The following RFX3 variants were observed in gnomAD, a reference collection of about 807,000 sequenced individuals.
RFX3 encodes the protein transcription factor RFX3.
In RFX3, 14 loss-of-function variants were observed where a neutral mutation model predicts 98.6. The ratio of observed to expected loss-of-function variants is 0.14; its 90% CI spans 0.09 to 0.22. RFX3 has a LOEUF of 0.22. Among genes scored for constraint, RFX3 ranks in the 10% least tolerant of loss-of-function variants. The pLI is 1.00. For synonymous variants in RFX3, 383 were observed against 328.4 expected (o/e 1.17, Z -1.80); for missense variants, 639 against 926.9 (o/e 0.69, Z 4.03).
chr9:3,394,888 A>C (rs2131921056), intron 2 of RFX3: 1 of 962,864 alleles, frequency 1.0e-6, no homozygotes, highest in South Asian at 4.8e-5. Context: ...CCTGCGTATG[A>C]ATAAGACCTG....
chr9:3,319,396 TTAAGGGAATATAAATAGGTAGG>T (rs1433389323), intron 4 of RFX3, among the ~76,000 whole-genome samples: 1 of 152,090 alleles, frequency 6.6e-6, no homozygotes, highest in Non-Finnish European at 1.5e-5. Context: ...CAATGACTAC[TTAAGGGAATATAAATAGGTAGG>T]TAACGGACAT....
chr9:3,467,267 C>T (rs10972156), intron 1 of RFX3, among the ~76,000 whole-genome samples: 26,649 of 142,208 alleles, frequency 0.19, 4,038 homozygotes, highest in African/African-American at 0.43. Flanking sequence ...TATATATGTA[C>T]ATACATACAT....
At chr9:3,415,192 CATAT>C (rs560950256) in intron 1 of RFX3, among the ~76,000 whole-genome samples, 1 of 129,984 alleles carries the variant, frequency 7.7e-6, no homozygotes, top group Non-Finnish European at 1.6e-5. Flanking sequence ...TACACATACT[CATAT>C]ATATATATAT....
At chr9:3,371,415 T>C (rs1331994655) in intron 2 of RFX3, among the ~76,000 whole-genome samples, 1 of 152,216 alleles carries the variant, frequency 6.6e-6, no homozygotes, top group East Asian at 1.9e-4. Context: ...TACGCAGCTC[T>C]AAAATATATT....
intron 15 of RFX3, among the ~76,000 whole-genome samples, chr9:3,240,619 G>C (rs978801129): frequency 1.3e-5 from 2 of 152,176 alleles, no homozygotes; most frequent in South Asian, 4.1e-4. Context: ...TATTCTTGCA[G>C]AGAATCTCTA....
intron 2 of RFX3, among the ~76,000 whole-genome samples, chr9:3,353,513 A>G (rs2131279781): frequency 6.6e-6 from 1 of 152,094 alleles, no homozygotes; most frequent in East Asian, 1.9e-4. Flanking sequence ...ATGGTTTAAG[A>G]TGTGATTACC....
chr9:3,472,131 T>A (rs1459850908), intron 1 of RFX3, among the ~76,000 whole-genome samples: 1 of 152,228 alleles, frequency 6.6e-6, no homozygotes, highest in Non-Finnish European at 1.5e-5. Context: ...GCACTGTATT[T>A]GTTTAGAAAG....
intron 1 of RFX3, among the ~76,000 whole-genome samples, chr9:3,503,594 C>G (rs1013851089): frequency 1.3e-5 from 2 of 151,978 alleles, no homozygotes; most frequent in African/African-American, 4.8e-5. Flanking sequence ...AAACCCCATT[C>G]TAAAAATATC....
In RFX3 at chr9:3,330,527, A is replaced by G. The variant is rs1832468696; in HGVS notation, c.216-10T>C. ...ATACGTTGTTGTTCGGCTTTAGAAGAAGAAGAAAAAAGAAATTTACTAGCT... is the reference window on the plus strand; with the variant it reads ...ATACGTTGTTGTTCGGCTTTAGAAGGAGAAGAAAAAAGAAATTTACTAGCT... On this transcript the variant is annotated splice_polypyrimidine_tract_variant and intron_variant, in intron 3 of 16. Coordinates refer to ENST00000617270, the MANE Select transcript of RFX3 (RefSeq NM_001282116.2). 1.3e-6 allele frequency: 2 copies of G among 1,584,148 alleles called. No individual in the cohort carries two copies. The highest frequency in any genetic ancestry group is 1.7e-6 in the Non-Finnish European group (2 of 1,163,144).
chr9:3,415,157 T>TTA lies in RFX3; in HGVS notation c.-8-19563_-8-19562dup, dbSNP rs1163285218. On this transcript the variant is annotated intron_variant, in intron 1 of 16. Transcript: ENST00000617270. ...TCTTATCTATATACTATATATATTC[T>TTA]TATATATATATACTTATATATATAT... Among the ~76,000 whole-genome samples the TTA allele has an allele frequency of 4.4e-3, 615 of 139,294 alleles. 7 individuals are homozygous for TTA. The highest frequency in any genetic ancestry group is 0.015 in the African/African-American group (563 of 37,604). The allele number at this position is 139,294 out of a possible 152,430, so 91.4% of individuals were successfully genotyped here.
Position 3,224,541 on chromosome 9 carries a change from A to T in RFX3, c.*501T>A, listed in dbSNP as rs553104454. ...TCCATACTCAAAATGTTATCAAAATAGTGTCTTATGGTTCTGTCCAATGAA... is the reference window on the plus strand; with the variant it reads ...TCCATACTCAAAATGTTATCAAAATTGTGTCTTATGGTTCTGTCCAATGAA... On this transcript the variant is annotated 3_prime_UTR_variant, in exon 17 of 17. Coordinates refer to ENST00000617270, the MANE Select transcript of RFX3 (RefSeq NM_001282116.2). 1 of 155,954 alleles carries T rather than the reference A, an allele frequency of 6.4e-6. No individual in the cohort carries two copies. Among genetic ancestry groups the T allele is most frequent in the African/African-American group, 2.4e-5 (1 of 41,604 alleles). The allele number at this position is 155,954 out of a possible 1,614,324, so 9.7% of individuals were successfully genotyped here.
intron 1 of RFX3, among the ~76,000 whole-genome samples, chr9:3,511,749 C>T (rs1817682108): frequency 6.6e-6 from 1 of 152,010 alleles, no homozygotes; most frequent in Non-Finnish European, 1.5e-5. Flanking sequence ...CAGGTTTCTT[C>T]AAATATGGGC....
At chr9:3,403,701 A>T (rs1048214673) in intron 1 of RFX3, among the ~76,000 whole-genome samples, 1 of 152,180 alleles carries the variant, frequency 6.6e-6, no homozygotes, top group African/African-American at 2.4e-5. Flanking sequence ...AAAATAAAAC[A>T]ATCCCTTAAC....
At chr9:3,334,641 C>A (rs188127622) in intron 3 of RFX3, among the ~76,000 whole-genome samples, 9 of 152,222 alleles carry the variant, frequency 5.9e-5, no homozygotes, top group African/African-American at 2.2e-4. Flanking sequence ...GTGGAGAAGC[C>A]TTGGCTACTC....
intron 13 of RFX3, among the ~76,000 whole-genome samples, chr9:3,262,042 G>C (rs745369796): frequency 6.6e-6 from 1 of 152,034 alleles, no homozygotes; most frequent in African/African-American, 2.4e-5. Context: ...CTATAAACAA[G>C]TCCTTTATCA....
At chr9:3,516,879 C>A (rs1057223604) in intron 1 of RFX3, among the ~76,000 whole-genome samples, 1 of 152,196 alleles carries the variant, frequency 6.6e-6, no homozygotes, top group African/African-American at 2.4e-5. Context: ...CTGGCTCCGG[C>A]AGGAGCTCAA....
intron 2 of RFX3, among the ~76,000 whole-genome samples, chr9:3,374,517 T>C (rs1223748735): frequency 6.6e-6 from 1 of 152,220 alleles, no homozygotes; most frequent in Admixed American, 6.5e-5. Flanking sequence ...ATCCATATAA[T>C]GGAATATTAT....
At chr9:3,398,906 G>C (rs1372330393) in intron 1 of RFX3, among the ~76,000 whole-genome samples, 2 of 74,394 alleles carry the variant, frequency 2.7e-5, no homozygotes, top group African/African-American at 1.3e-4. Flanking sequence ...CTAAAACTTA[G>C]AGTATAATAA....
chr9:3,243,248 C>A (rs1820196850), intron 15 of RFX3, among the ~76,000 whole-genome samples: 1 of 146,240 alleles, frequency 6.8e-6, no homozygotes, highest in South Asian at 2.2e-4. Flanking sequence ...AGCTTGTGGA[C>A]AAATTTATAA....
Sources: allele counts gnomAD v4.1 joint callset (sites outside exome capture counted in the v4.1 genomes callset), GRCh38; gene constraint gnomAD v4.1.1; transcripts MANE v1.5; gene names NCBI Gene and HGNC (gene_info 2026-07-23, HGNC 2026-07-21).